Variants in LRRC3B observed in about 807,000 individuals in gnomAD.
LRRC3B encodes leucine rich repeat containing 3B.
A neutral mutation model predicts 12.8 loss-of-function variants in LRRC3B; 2 were observed. That is an observed-to-expected ratio of 0.16 (90% CI 0.06 to 0.49). LRRC3B has a LOEUF of 0.49. Among genes scored for constraint, LRRC3B ranks in the 20% least tolerant of loss-of-function variants. LRRC3B has a pLI of 0.96. For missense variants in LRRC3B, 189 were observed against 319.4 expected (o/e 0.59, Z 3.11); for synonymous variants, 132 against 122.0 (o/e 1.08, Z -0.54).
intron 1 of LRRC3B, among the ~76,000 whole-genome samples, chr3:26,633,433 GTTA>G (rs993066301): frequency 6.6e-6 from 1 of 152,150 alleles, no homozygotes; most frequent in Non-Finnish European, 1.5e-5. Flanking sequence ...TACTACTTAA[GTTA>G]TTATTATTAG....
At chr3:26,706,653 C>A (rs577277188) in intron 1 of LRRC3B, among the ~76,000 whole-genome samples, 37 of 152,272 alleles carry the variant, frequency 2.4e-4, no homozygotes, top group African/African-American at 8.7e-4. Flanking sequence ...GTGTCCTAAA[C>A]ATTTCTTATA....
At position 26,626,254 on chromosome 3, in the gene LRRC3B, C is replaced by A. The variant is rs572077591; in HGVS notation, c.-161+3017C>A. 2.6e-5 allele frequency among the ~76,000 whole-genome samples: 4 copies of A among 152,272 alleles called. No homozygotes were observed. In the South Asian group the frequency reaches 8.3e-4, roughly 32 times the overall value. On this transcript the variant is annotated intron_variant, in intron 1 of 1. Coordinates refer to ENST00000396641, the Ensembl canonical transcript of LRRC3B. ...ACTGGTAATGGACTTCTCTTCTGAA[C>A]CTTTTGTAGACATTCCCTTTTTAAA...
intron 1 of LRRC3B, among the ~76,000 whole-genome samples, chr3:26,634,333 A>T (rs1302141051): frequency 6.6e-6 from 1 of 152,230 alleles, no homozygotes; most frequent in East Asian, 1.9e-4. Context: ...CCATACACTC[A>T]GTACCGCCCT....
At chr3:26,659,914 A>T (rs954818131) in intron 1 of LRRC3B, among the ~76,000 whole-genome samples, 2 of 152,210 alleles carry the variant, frequency 1.3e-5, no homozygotes, top group African/African-American at 4.8e-5. Flanking sequence ...GTGTTTCATG[A>T]GGAAAGTAAT....
intron 1 of LRRC3B, among the ~76,000 whole-genome samples, chr3:26,646,449 G>C (rs1194528932): frequency 6.6e-6 from 1 of 151,894 alleles, no homozygotes; most frequent in Admixed American, 6.6e-5. Flanking sequence ...TCATTTCCTG[G>C]AGGCATTAAG....
chr3:26,705,020 C>T (rs988344943), intron 1 of LRRC3B, among the ~76,000 whole-genome samples: 14 of 151,994 alleles, frequency 9.2e-5, no homozygotes, highest in East Asian at 3.9e-4. Flanking sequence ...TGAGTTGGTA[C>T]GCTCACTTAT....
At chr3:26,694,397 G>A (rs1700258271) in intron 1 of LRRC3B, among the ~76,000 whole-genome samples, 1 of 152,128 alleles carries the variant, frequency 6.6e-6, no homozygotes, top group Non-Finnish European at 1.5e-5. Flanking sequence ...CAGAAAGAGT[G>A]TTTTTCAGAC....
exon 2 of LRRC3B, chr3:26,709,553 T>C: frequency 1.1e-6 from 1 of 942,004 alleles, no homozygotes; most frequent in Non-Finnish European, 1.6e-6. Context: ...GACACATGTG[T>C]TAGCTGCAGC....
At chr3:26,700,285 T>A (rs1318122190) in intron 1 of LRRC3B, among the ~76,000 whole-genome samples, 1 of 152,010 alleles carries the variant, frequency 6.6e-6, no homozygotes, top group Non-Finnish European at 1.5e-5. Flanking sequence ...CAGGAAGAGG[T>A]CAACAGAGGG....
At chr3:26,689,673 G>A (rs1323654261) in intron 1 of LRRC3B, among the ~76,000 whole-genome samples, 1 of 152,170 alleles carries the variant, frequency 6.6e-6, no homozygotes, top group Non-Finnish European at 1.5e-5. Flanking sequence ...AATCTGCATT[G>A]TTAAGGGTAG....
chr3:26,631,546 A>G (rs1698757342), intron 1 of LRRC3B, among the ~76,000 whole-genome samples: 1 of 152,152 alleles, frequency 6.6e-6, no homozygotes, highest in African/African-American at 2.4e-5. Flanking sequence ...GTGTTTCCTA[A>G]ACAGATGGCT....
intron 1 of LRRC3B, among the ~76,000 whole-genome samples, chr3:26,700,748 G>C (rs773109821): frequency 2.0e-5 from 3 of 152,094 alleles, no homozygotes; most frequent in Non-Finnish European, 4.4e-5. Context: ...AATGGTGTAT[G>C]GTGCCATGTT....
chr3:26,695,214 GATTA>G (rs1211150317), intron 1 of LRRC3B, among the ~76,000 whole-genome samples: 8 of 152,148 alleles, frequency 5.3e-5, no homozygotes, highest in African/African-American at 1.4e-4. Context: ...CAAATATTTA[GATTA>G]ATTCTATTAT....
chr3:26,708,952 G>A (rs1353365460), intron 1 of LRRC3B, among the ~76,000 whole-genome samples: 2 of 152,110 alleles, frequency 1.3e-5, no homozygotes, highest in Non-Finnish European at 2.9e-5. Context: ...GGAGGTTCTT[G>A]GTTGTCAGCC....
chr3:26,628,878 A>G (rs966162296), intron 1 of LRRC3B, among the ~76,000 whole-genome samples: 1 of 151,916 alleles, frequency 6.6e-6, no homozygotes, highest in Middle Eastern at 3.2e-3. Context: ...CCACAAATAA[A>G]AACAGATTTT....
intron 1 of LRRC3B, among the ~76,000 whole-genome samples, chr3:26,639,496 TTTAAATTAAA>T (rs5847411): frequency 1.2e-4 from 17 of 140,798 alleles, no homozygotes; most frequent in Admixed American, 2.8e-4. Context: ...TTAAATTAAA[TTTAAATTAAA>T]TTAAATTAAA....
At chr3:26,671,373 T>TATATATATATAGAGAG (rs1261897533) in intron 1 of LRRC3B, among the ~76,000 whole-genome samples, 1 of 28,258 alleles carries the variant, frequency 3.5e-5, no homozygotes, top group African/African-American at 1.5e-4. Context: ...TATATATATA[T>TATATATATATAGAGAG]AGAGAGAGAG....
intron 1 of LRRC3B, among the ~76,000 whole-genome samples, chr3:26,626,022 A>G (rs755642977): frequency 2.0e-5 from 3 of 152,184 alleles, no homozygotes; most frequent in Non-Finnish European, 4.4e-5. Context: ...ACTAAAAACC[A>G]TTTGTCTGGA....
intron 1 of LRRC3B, among the ~76,000 whole-genome samples, chr3:26,660,109 T>A (rs75351269): frequency 0.032 from 4,897 of 152,234 alleles, 123 homozygotes; most frequent in South Asian, 0.048. Context: ...CATAATTATA[T>A]TACTCCATCC....
Sources: gnomAD v4.1 joint callset for allele counts (sites outside exome capture counted in the v4.1 genomes callset) on GRCh38, gnomAD v4.1.1 for gene constraint, MANE v1.5 for transcripts, NCBI Gene and HGNC (gene_info 2026-07-23, HGNC 2026-07-21) for gene names.